KIF13A: variants seen among roughly 807,000 people sequenced by gnomAD.
KIF13A encodes the protein kinesin-like protein KIF13A.
A neutral mutation model predicts 212.2 loss-of-function variants in KIF13A; 79 were observed. The observed-to-expected ratio is 0.37, with a 90% CI of 0.31 to 0.45. The LOEUF is 0.45. Among genes scored for constraint, KIF13A ranks in the 20% least tolerant of loss-of-function variants. The pLI, the probability that KIF13A is intolerant of heterozygous loss-of-function variation, is 1.00. For missense variants in KIF13A, 1,901 were observed against 2,209.0 expected (o/e 0.86, Z 2.79); for synonymous variants, 789 against 808.6 (o/e 0.98, Z 0.41).
chr6:17,889,553 T>A (rs6930901), intron 3 of KIF13A, among the ~76,000 whole-genome samples: 10,553 of 152,280 alleles, frequency 0.069, 956 homozygotes, highest in African/African-American at 0.21. Flanking sequence ...TTTATATGTT[T>A]TCCCTCAGAT....
At chr6:17,908,262 T>C (rs1773707197) in intron 2 of KIF13A, among the ~76,000 whole-genome samples, 1 of 152,088 alleles carries the variant, frequency 6.6e-6, no homozygotes, top group African/African-American at 2.4e-5. Flanking sequence ...AAGAAAAAAA[T>C]GGCTTCCTTT....
intron 32 of KIF13A, 44 bp from the exon 33 acceptor site, chr6:17,779,143 C>T (rs372462124): frequency 2.4e-4 from 372 of 1,559,094 alleles, no homozygotes; most frequent in Non-Finnish European, 3.0e-4. Context: ...ATGTGAACAA[C>T]GTTTTCATCC....
downstream of KIF13A, chr6:17,760,895 G>A (rs757710087): frequency 1.2e-6 from 2 of 1,613,264 alleles, no homozygotes; most frequent in Non-Finnish European, 1.7e-6. Context: ...GCAGAGGCTG[G>A]TGAGTTCATG....
At chr6:17,878,562 G>A (rs1012194419) in intron 3 of KIF13A, among the ~76,000 whole-genome samples, 2 of 151,824 alleles carry the variant, frequency 1.3e-5, no homozygotes, top group Admixed American at 6.6e-5. Flanking sequence ...TTACAGGCAT[G>A]AGCCACTGCA....
In KIF13A at chr6:17,899,292, A is replaced by G. The variant is rs1229812274; in HGVS notation, c.147-1112T>C. Among the ~76,000 whole-genome samples the G allele has an allele frequency of 6.6e-6, 1 of 152,208 alleles. No homozygotes were observed. Among genetic ancestry groups the G allele is most frequent in the East Asian group, 1.9e-4 (1 of 5,198 alleles). ...TCTTGATCAACCTCTGATATCCTCA[A>G]TTCATAAACTATAAAATTACTGTGA... On this transcript the variant is annotated intron_variant, in intron 2 of 38. Transcript: ENST00000259711. The surrounding 1 kb of genome is among the most constrained non-coding windows in gnomAD (Gnocchi z 5.2).
chr6:17,981,158 T>A lies in KIF13A; in HGVS notation c.146+5896A>T, dbSNP rs546397150. 5.9e-5 allele frequency among the ~76,000 whole-genome samples: 9 copies of A among 151,864 alleles called. No individual in the cohort carries two copies. The East Asian group carries it at 1.7e-3, about 29-fold the overall frequency. ...CTAACTAAACCTATGTTTTTCAAAA[T>A]ATAAGTTTATGACTCATTAGTGGGT... On this transcript the variant is annotated intron_variant, in intron 2 of 38. Coordinates refer to ENST00000259711, the MANE Select transcript of KIF13A (RefSeq NM_022113.6).
At chr6:17,957,739 C>CA (rs1054146663) in intron 2 of KIF13A, among the ~76,000 whole-genome samples, 3 of 152,116 alleles carry the variant, frequency 2.0e-5, no homozygotes, top group Non-Finnish European at 4.4e-5. Context: ...AACCCCAAGA[C>CA]ATTTGGCCAC....
At position 17,912,516 on chromosome 6, in the gene KIF13A, TA is replaced by T. The variant is rs1774165749; in HGVS notation, c.147-14337del. Among the ~76,000 whole-genome samples the T allele has an allele frequency of 6.6e-6, 1 of 152,220 alleles. No individual in the cohort carries two copies. The highest frequency in any genetic ancestry group is 6.5e-5 in the Admixed American group (1 of 15,282). On this transcript the variant is annotated intron_variant, in intron 2 of 38. Coordinates refer to ENST00000259711, the MANE Select transcript of KIF13A (RefSeq NM_022113.6). The surrounding 1 kb of genome is among the most constrained non-coding windows in gnomAD (Gnocchi z 4.2). ...CCCTGGCTTCCAACTGTTCTCACCCTAAGCACTTATTAGCATATAGACAATG... is the reference window on the plus strand; with the variant it reads ...CCCTGGCTTCCAACTGTTCTCACCCTAGCACTTATTAGCATATAGACAATG...
At chr6:17,796,181 CT>C (rs34144276) in intron 23 of KIF13A, among the ~76,000 whole-genome samples, 27,660 of 141,352 alleles carry the variant, frequency 0.2, 2,695 homozygotes, top group Admixed American at 0.28. Flanking sequence ...AGCCTGTATT[CT>C]TTTTTTTTTT....
Position 17,919,472 on chromosome 6 carries a change from A to G in KIF13A, c.147-21292T>C, listed in dbSNP as rs1774849446. Among the ~76,000 whole-genome samples, 1 of 152,202 alleles carries G rather than the reference A, an allele frequency of 6.6e-6. No homozygotes were observed. The highest frequency in any genetic ancestry group is 2.1e-4 in the South Asian group (1 of 4,832). ...TCCAAAGGGCTCATCTAAGTTTCAC[A>G]TGGTGCTGAGAATAGTAATCACTCC... is the stretch of plus-strand genomic sequence containing the variant. On this transcript the variant is annotated intron_variant, in intron 2 of 38. Coordinates refer to ENST00000259711, the MANE Select transcript of KIF13A (RefSeq NM_022113.6). This position sits in a 1 kb window ranked among gnomAD's most constrained non-coding sequence, Gnocchi z 4.1.
chr6:17,767,040 T>C (rs1759056516), intron 38 of KIF13A, among the ~76,000 whole-genome samples: 1 of 152,196 alleles, frequency 6.6e-6, no homozygotes, highest in South Asian at 2.1e-4. Context: ...GTTCCTGAAA[T>C]TGGCAAAACA....
At chr6:17,866,347 C>G (rs1042600166) in intron 4 of KIF13A, among the ~76,000 whole-genome samples, 12 of 152,038 alleles carry the variant, frequency 7.9e-5, no homozygotes, top group African/African-American at 2.7e-4. Context: ...AGGTTCTAAG[C>G]CAGAGCACTT....
chr6:17,937,746 G>GTTTTTTTTTTTTTTGT (rs11401933), intron 2 of KIF13A, among the ~76,000 whole-genome samples: 1 of 135,694 alleles, frequency 7.4e-6, no homozygotes, highest in Non-Finnish European at 1.6e-5. Flanking sequence ...TTCCTTTTTT[G>GTTTTTTTTTTTTTTGT]TTTTTTTTTT....
rs537157671 is a variant in KIF13A at position 17,797,708 on chromosome 6, C to T, written c.2791-888G>A. Among the ~76,000 whole-genome samples the T allele has an allele frequency of 1.7e-3, 261 of 152,176 alleles. 1 individual carries two copies. The highest frequency in any genetic ancestry group is 6.0e-3 in the African/African-American group (250 of 41,512). Reference sequence around the variant, plus strand: ...AAAGTGACCAGGAGATAGTGACCAGCTTGGGCAACAAAATGAGATCCTGTC... The same window carrying T: ...AAAGTGACCAGGAGATAGTGACCAGTTTGGGCAACAAAATGAGATCCTGTC... On this transcript the variant is annotated intron_variant, in intron 22 of 38. Coordinates refer to ENST00000259711, the MANE Select transcript of KIF13A (RefSeq NM_022113.6).
rs772884985 is a variant in KIF13A, at chr6:17,836,881, T to C, written c.1152A>G (p.Ala384=). The change falls in exon 11 of 39, where the codon GCA becomes GCG. Residue 384 remains alanine (A), a synonymous_variant. Coordinates refer to ENST00000259711, the MANE Select transcript of KIF13A (RefSeq NM_022113.6). The part of the protein sequence containing the change: ...VEKLREQLSQ[A]EAMKAPELKE... ...GGGAGTACCAGGCTGCTTTTACCTCTGCCTGAGAGAGCTGCTCTCTCAGTT... is the reference window on the plus strand; with the variant it reads ...GGGAGTACCAGGCTGCTTTTACCTCCGCCTGAGAGAGCTGCTCTCTCAGTT... The C allele has an allele frequency of 1.2e-6, 2 of 1,613,632 alleles. No individual in the cohort carries two copies.
rs555765078 is a variant in KIF13A at position 17,883,050 on chromosome 6, C to T, written c.160-9613G>A. On this transcript the variant is annotated intron_variant, in intron 3 of 38. Transcript: ENST00000259711. The surrounding 1 kb of genome is among the most constrained non-coding windows in gnomAD (Gnocchi z 4.8). ...TAATCTTTTCATTACCAAAAATACT[C>T]GGCGAATTTACATTTTAAAGCAACT... is the stretch of plus-strand genomic sequence containing the variant. Among the ~76,000 whole-genome samples the T allele has an allele frequency of 2.0e-5, 3 of 152,248 alleles. No homozygotes were observed. Among genetic ancestry groups the T allele is most frequent in the African/African-American group, 7.2e-5 (3 of 41,524 alleles).
chr6:17,796,563 T>G (rs1224120678), intron 23 of KIF13A, 106 bp downstream of exon 23: 12 of 698,676 alleles, frequency 1.7e-5, no homozygotes, highest in Admixed American at 1.3e-4. Flanking sequence ...TTTTTTTAAA[T>G]GATTTTATTT....
At chr6:17,927,163 G>C (rs1046546924) in intron 2 of KIF13A, among the ~76,000 whole-genome samples, 6 of 150,776 alleles carry the variant, frequency 4.0e-5, no homozygotes, top group African/African-American at 1.5e-4. Context: ...GTGAATGCAG[G>C]AACTTAAACA....
chr6:17,918,534 G>A lies in KIF13A; in HGVS notation c.147-20354C>T, dbSNP rs932897320. ...TACTCAGTAGCTCTTAAAGTGGCAG[G>A]TATCAAGTGGGGAAGCTAATTCCCA... On this transcript the variant is annotated intron_variant, in intron 2 of 38. Transcript: ENST00000259711. The surrounding 1 kb of genome is among the most constrained non-coding windows in gnomAD (Gnocchi z 4.8). Among the ~76,000 whole-genome samples, 1 of 152,186 alleles carries A rather than the reference G, an allele frequency of 6.6e-6. No individual in the cohort carries two copies. The highest frequency in any genetic ancestry group is 1.5e-5 in the Non-Finnish European group (1 of 68,036).
Sources: allele counts gnomAD v4.1 joint callset (sites outside exome capture counted in the v4.1 genomes callset), GRCh38; gene constraint gnomAD v4.1.1; non-coding constraint Gnocchi (gnomAD v3.1); transcripts MANE v1.5; gene names NCBI Gene and HGNC (gene_info 2026-07-23, HGNC 2026-07-21).